LRMDA: variants seen among roughly 807,000 people sequenced by gnomAD.
LRMDA encodes the protein leucine rich melanocyte differentiation associated, also known as leucine-rich melanocyte differentiation-associated protein.
Under a neutral mutation model 29.8 loss-of-function variants are expected in LRMDA, and 18 were observed. The ratio of observed to expected loss-of-function variants is 0.60; its 90% CI spans 0.42 to 0.90. The LOEUF (loss-of-function observed/expected upper bound fraction) is 0.90, where lower values mean the gene tolerates loss of function less well. LRMDA is among the 40% of genes least tolerant of loss of function. The pLI is 0.00. For synonymous variants in LRMDA, 125 were observed against 109.4 expected, an observed-to-expected ratio of 1.14 and a Z score of -0.89; for missense variants, 273 against 273.9, an observed-to-expected ratio of 1.00 and a Z score of 0.02.
intron 6 of LRMDA, among the ~76,000 whole-genome samples, chr10:76,434,472 A>G (rs115447283): frequency 0.012 from 1,898 of 152,180 alleles, 31 homozygotes; most frequent in African/African-American, 0.043. Context: ...GTAAGGAGCA[A>G]TGGGAACTGA....
rs544969222 is a variant in LRMDA at position 75,959,747 on chromosome 10, G to C, written c.132-76261G>C. On this transcript the variant is annotated intron_variant, in intron 2 of 6. Coordinates refer to ENST00000611255, the MANE Select transcript of LRMDA (RefSeq NM_001305581.2). ...TATGTATATATTTGCTTATCTATGT[G>C]AATGACTAATATCATCCAACTGGCA... 1.7e-4 allele frequency among the ~76,000 whole-genome samples: 26 copies of C among 152,166 alleles called. 2 individuals are homozygous for C. The highest frequency in any genetic ancestry group is 5.8e-4 in the African/African-American group (24 of 41,510).
chr10:75,946,127 G>A (rs754607269), intron 2 of LRMDA, among the ~76,000 whole-genome samples: 32 of 152,174 alleles, frequency 2.1e-4, no homozygotes, highest in Non-Finnish European at 4.4e-4. Context: ...GAGCACCATC[G>A]TGGGCCATTA....
At chr10:75,642,268 C>G (rs1320402931) in intron 2 of LRMDA, among the ~76,000 whole-genome samples, 2 of 151,748 alleles carry the variant, frequency 1.3e-5, no homozygotes, top group Non-Finnish European at 2.9e-5. Flanking sequence ...GTCTGCTAAG[C>G]ATGAACGTTT....
intron 6 of LRMDA, among the ~76,000 whole-genome samples, chr10:76,449,919 T>G (rs1392985346): frequency 3.3e-5 from 5 of 152,052 alleles, no homozygotes; most frequent in African/African-American, 1.2e-4. Flanking sequence ...TAAAAATATA[T>G]GACTTTTCCA....
chr10:75,512,845 T>C (rs1845241335), intron 2 of LRMDA, among the ~76,000 whole-genome samples: 1 of 152,196 alleles, frequency 6.6e-6, no homozygotes, highest in Non-Finnish European at 1.5e-5. Flanking sequence ...GACATGAGGG[T>C]TTGCAGAAAA....
intron 6 of LRMDA, among the ~76,000 whole-genome samples, chr10:76,427,836 G>C (rs888612562): frequency 4.6e-5 from 7 of 152,228 alleles, no homozygotes; most frequent in Admixed American, 4.6e-4. Flanking sequence ...TTTGTCAAAG[G>C]CCTTTTCTGC....
chr10:75,466,618 G>A (rs1019479105), intron 2 of LRMDA, among the ~76,000 whole-genome samples: 2 of 152,136 alleles, frequency 1.3e-5, no homozygotes, highest in African/African-American at 4.8e-5. Context: ...AAAAGTCTGG[G>A]CTCATTCCCT....
intron 2 of LRMDA, among the ~76,000 whole-genome samples, chr10:75,779,148 A>T (rs1271970119): frequency 1.3e-5 from 2 of 152,264 alleles, no homozygotes; most frequent in Non-Finnish European, 2.9e-5. Flanking sequence ...TACACAAGTC[A>T]GCATGACTCT....
At chr10:75,535,795 C>T (rs979842160) in intron 2 of LRMDA, among the ~76,000 whole-genome samples, 7 of 152,130 alleles carry the variant, frequency 4.6e-5, no homozygotes, top group East Asian at 1.9e-4. Context: ...CCTCAGGTTC[C>T]GGATGCCCCC....
chr10:76,014,240 A>G (rs918349816), intron 2 of LRMDA, among the ~76,000 whole-genome samples: 11 of 149,642 alleles, frequency 7.4e-5, no homozygotes, highest in Non-Finnish European at 1.5e-4. Flanking sequence ...GCTGAGTCTT[A>G]ACAGAGATCA....
chr10:75,823,757 TACACACAC>T (rs796189481), intron 2 of LRMDA, among the ~76,000 whole-genome samples: 1 of 147,432 alleles, frequency 6.8e-6, no homozygotes, highest in South Asian at 2.2e-4. Flanking sequence ...CCTACTTACA[TACACACAC>T]ACACACATAC....
chr10:76,387,190 C>T (rs1022735527), intron 6 of LRMDA, among the ~76,000 whole-genome samples: 1 of 151,952 alleles, frequency 6.6e-6, no homozygotes. Flanking sequence ...TTTTAGAACA[C>T]AAAAATGCAG....
intron 6 of LRMDA, 76 bp downstream of exon 6, chr10:76,324,561 C>A: frequency 7.7e-7 from 1 of 1,305,354 alleles, no homozygotes; most frequent in Non-Finnish European, 1.1e-6. Context: ...TGGCTCATTA[C>A]TGCTGCCTCG....
intron 6 of LRMDA, among the ~76,000 whole-genome samples, chr10:76,513,469 G>T (rs896118365): frequency 6.6e-6 from 1 of 151,932 alleles, no homozygotes; most frequent in Non-Finnish European, 1.5e-5. Context: ...TGTCTTCTTT[G>T]TTCAGATGTA....
At chr10:76,244,832 G>C (rs1431440891) in intron 5 of LRMDA, among the ~76,000 whole-genome samples, 2 of 152,202 alleles carry the variant, frequency 1.3e-5, no homozygotes, top group Non-Finnish European at 2.9e-5. Flanking sequence ...GAGCATGGCT[G>C]ATTTAATAAA....
intron 2 of LRMDA, among the ~76,000 whole-genome samples, chr10:75,902,891 G>T (rs960549275): frequency 6.6e-6 from 1 of 152,150 alleles, no homozygotes; most frequent in Non-Finnish European, 1.5e-5. Flanking sequence ...CTCCCCAGGG[G>T]CCCTTCAGAG....
At chr10:76,182,504 T>C (rs1339569148) in intron 5 of LRMDA, among the ~76,000 whole-genome samples, 1 of 152,184 alleles carries the variant, frequency 6.6e-6, no homozygotes, top group African/African-American at 2.4e-5. Context: ...ACGATGCTAT[T>C]GTAGCTGGAC....
intron 3 of LRMDA, among the ~76,000 whole-genome samples, chr10:76,043,591 C>T (rs1848377098): frequency 6.6e-6 from 1 of 150,718 alleles, no homozygotes; most frequent in Admixed American, 6.6e-5. Flanking sequence ...GACTCTATTA[C>T]CAGGGTCTTT....
At chr10:75,752,263 A>G (rs1469007783) in intron 2 of LRMDA, among the ~76,000 whole-genome samples, 2 of 127,698 alleles carry the variant, frequency 1.6e-5, no homozygotes, top group Admixed American at 9.8e-5. Context: ...CCCAGGCTGG[A>G]GTGCAGTGGC....
Sources: gnomAD v4.1 joint callset for allele counts (sites outside exome capture counted in the v4.1 genomes callset) on GRCh38, gnomAD v4.1.1 for gene constraint, MANE v1.5 for transcripts, NCBI Gene and HGNC (gene_info 2026-07-23, HGNC 2026-07-21) for gene names.